Variants in CAMTA1 observed in about 807,000 individuals in gnomAD.
The protein encoded by CAMTA1 is calmodulin-binding transcription activator 1.
A neutral mutation model predicts 170.9 loss-of-function variants in CAMTA1; 27 were observed. That is an observed-to-expected ratio of 0.16 (90% CI 0.12 to 0.22). The LOEUF is 0.22. Among genes scored for constraint, CAMTA1 ranks in the 10% least tolerant of loss-of-function variants. The pLI, the probability that CAMTA1 is intolerant of heterozygous loss-of-function variation, is 1.00. For missense variants in CAMTA1, 1,619 were observed against 2,217.2 expected, an observed-to-expected ratio of 0.73 and a Z score of 5.42; for synonymous variants, 833 against 891.5, an observed-to-expected ratio of 0.93 and a Z score of 1.17.
intron 11 of CAMTA1, among the ~76,000 whole-genome samples, chr1:7,692,635 G>C (rs1225789382): frequency 6.6e-6 from 1 of 152,194 alleles, no homozygotes; most frequent in African/African-American, 2.4e-5. Flanking sequence ...TGACAGTAAT[G>C]ATCACCAGCC....
chr1:7,517,667 C>T lies in CAMTA1; in HGVS notation c.510+49766C>T, dbSNP rs569187894. On this transcript the variant is annotated intron_variant, in intron 6 of 22. Coordinates refer to ENST00000303635, the MANE Select transcript of CAMTA1 (RefSeq NM_015215.4). Reference sequence around the variant, plus strand: ...GTGACTGCAATTGAGCAGGGGCTGACGGCTGGGGCTTATTCTCAAATCTTC... The same window carrying T: ...GTGACTGCAATTGAGCAGGGGCTGATGGCTGGGGCTTATTCTCAAATCTTC... Among the ~76,000 whole-genome samples, 26 of 152,058 alleles carry T rather than the reference C, an allele frequency of 1.7e-4. 2 individuals are homozygous for T. The highest frequency in any genetic ancestry group is 6.8e-3 in the Middle Eastern group (2 of 294).
chr1:7,419,858 C>G (rs1333507894), intron 5 of CAMTA1, among the ~76,000 whole-genome samples: 1 of 152,104 alleles, frequency 6.6e-6, no homozygotes, highest in Non-Finnish European at 1.5e-5. Context: ...CCCCACCCAT[C>G]AGGAGATCCT....
chr1:7,418,843 G>T (rs1270019969), intron 5 of CAMTA1, among the ~76,000 whole-genome samples: 3 of 152,110 alleles, frequency 2.0e-5, no homozygotes, highest in Non-Finnish European at 4.4e-5. Flanking sequence ...GCAGCCTGTT[G>T]GCTCTGCCCT....
intron 6 of CAMTA1, among the ~76,000 whole-genome samples, chr1:7,566,512 C>G (rs964146204): frequency 2.0e-5 from 3 of 152,126 alleles, no homozygotes; most frequent in Non-Finnish European, 4.4e-5. Context: ...TTCCTTTCTT[C>G]CCTCCCTCCC....
intron 11 of CAMTA1, among the ~76,000 whole-genome samples, chr1:7,691,302 A>G (rs1171714038): frequency 6.6e-6 from 1 of 152,190 alleles, no homozygotes; most frequent in Non-Finnish European, 1.5e-5. Flanking sequence ...AGGGGCAGGC[A>G]GTGAATCAGG....
chr1:7,053,789 G>A (rs1358666465), intron 3 of CAMTA1, among the ~76,000 whole-genome samples: 6 of 152,174 alleles, frequency 3.9e-5, no homozygotes, highest in African/African-American at 9.7e-5. Context: ...TGTCCCCAGC[G>A]CCCATAGCAG....
chr1:7,562,326 C>G lies in CAMTA1; in HGVS notation c.511-78074C>G, dbSNP rs756251173. On this transcript the variant is annotated intron_variant, in intron 6 of 22. Transcript: ENST00000303635. This position sits in a 1 kb window ranked among gnomAD's most constrained non-coding sequence, Gnocchi z 4.8. Reference sequence around the variant, plus strand: ...TGTAAAGGCACTAAGCTGTTTAATTCGGTGCTTCCTGCATCGTTGGGCAGT... The same window carrying G: ...TGTAAAGGCACTAAGCTGTTTAATTGGGTGCTTCCTGCATCGTTGGGCAGT... 2.0e-5 allele frequency among the ~76,000 whole-genome samples: 3 copies of G among 152,210 alleles called. No homozygotes were observed. The highest frequency in any genetic ancestry group is 4.4e-5 in the Non-Finnish European group (3 of 68,030).
chr1:7,425,126 C>T (rs529998854), intron 5 of CAMTA1, among the ~76,000 whole-genome samples: 10 of 152,266 alleles, frequency 6.6e-5, no homozygotes, highest in Non-Finnish European at 8.8e-5. Context: ...AAGTGTACAC[C>T]GGCTCACTAT....
At chr1:6,923,302 G>A (rs1468354910) in intron 3 of CAMTA1, among the ~76,000 whole-genome samples, 1 of 152,104 alleles carries the variant, frequency 6.6e-6, no homozygotes, top group East Asian at 1.9e-4. Context: ...GATCCAATTC[G>A]GGTCATCCCT....
intron 4 of CAMTA1, among the ~76,000 whole-genome samples, chr1:7,096,739 T>A (rs577542596): frequency 6.6e-6 from 1 of 152,326 alleles, no homozygotes; most frequent in Non-Finnish European, 1.5e-5. Context: ...CTGTTACGCT[T>A]GGAGTATTGA....
At chr1:7,646,649 A>T (rs535683470) in intron 7 of CAMTA1, among the ~76,000 whole-genome samples, 1 of 143,374 alleles carries the variant, frequency 7.0e-6, no homozygotes, top group Admixed American at 7.0e-5. Flanking sequence ...GGTGAGGTAG[A>T]GGCCCTGGTG....
At chr1:7,110,353 T>C (rs907388331) in intron 4 of CAMTA1, among the ~76,000 whole-genome samples, 1 of 152,108 alleles carries the variant, frequency 6.6e-6, no homozygotes, top group African/African-American at 2.4e-5. Flanking sequence ...CGATTTGCAA[T>C]GATTTTTAGC....
At chr1:7,260,730 T>C (rs1574271885) in intron 5 of CAMTA1, among the ~76,000 whole-genome samples, 1 of 152,226 alleles carries the variant, frequency 6.6e-6, no homozygotes, top group South Asian at 2.1e-4. Context: ...AGAGTCCCCC[T>C]AGAATAGTGA....
chr1:7,714,758 G>A (rs2096596531), intron 11 of CAMTA1, among the ~76,000 whole-genome samples: 1 of 152,104 alleles, frequency 6.6e-6, no homozygotes, highest in African/African-American at 2.4e-5. Flanking sequence ...CTGACCTCAG[G>A]TGATCTTCCC....
At chr1:7,444,477 A>C (rs767708822) in intron 5 of CAMTA1, among the ~76,000 whole-genome samples, 2 of 152,206 alleles carry the variant, frequency 1.3e-5, no homozygotes, top group Non-Finnish European at 2.9e-5. Flanking sequence ...TGCCCAGCCC[A>C]AGGTTCTGTT....
intron 6 of CAMTA1, among the ~76,000 whole-genome samples, chr1:7,622,018 A>C (rs1463709125): frequency 6.6e-6 from 1 of 152,182 alleles, no homozygotes; most frequent in African/African-American, 2.4e-5. Flanking sequence ...TCAGATCGGG[A>C]GTTAGTCACC....
At chr1:7,072,696 A>G (rs1194432783) in intron 3 of CAMTA1, among the ~76,000 whole-genome samples, 1 of 152,202 alleles carries the variant, frequency 6.6e-6, no homozygotes, top group African/African-American at 2.4e-5. Flanking sequence ...GGGAGGCCTT[A>G]CCCAGAAGGG....
intron 3 of CAMTA1, among the ~76,000 whole-genome samples, chr1:6,842,709 G>T (rs959678082): frequency 6.6e-6 from 1 of 152,156 alleles, no homozygotes; most frequent in East Asian, 1.9e-4. Flanking sequence ...ATCACCTGAG[G>T]TCAGGAGTTC....
intron 3 of CAMTA1, among the ~76,000 whole-genome samples, chr1:6,851,120 A>G (rs1660204819): frequency 6.6e-6 from 1 of 152,230 alleles, no homozygotes; most frequent in Non-Finnish European, 1.5e-5. Context: ...ACAACAGACT[A>G]TGGAAGTGGA....
Sources: allele counts gnomAD v4.1 joint callset (sites outside exome capture counted in the v4.1 genomes callset), GRCh38; gene constraint gnomAD v4.1.1; non-coding constraint Gnocchi (gnomAD v3.1); transcripts MANE v1.5; gene names NCBI Gene and HGNC (gene_info 2026-07-23, HGNC 2026-07-21).